PNISR: variants seen among roughly 807,000 people sequenced by gnomAD.
The protein encoded by PNISR is PNN interacting serine and arginine rich protein.
Under a neutral mutation model 93.4 loss-of-function variants are expected in PNISR, and 20 were observed. The observed-to-expected ratio is 0.21, with a 90% CI of 0.15 to 0.31. The LOEUF is 0.31. Ranked by LOEUF, PNISR falls within the 10% of genes least tolerant of loss-of-function variation. PNISR has a pLI of 1.00. For synonymous variants in PNISR, 305 were observed against 306.5 expected (o/e 0.99, Z 0.05); for missense variants, 893 against 985.4 (o/e 0.91, Z 1.25).
In PNISR at chr6:99,400,853, A is replaced by C. The variant is rs768093173; in HGVS notation, c.2105T>G (p.Phe702Cys). The C allele has an allele frequency of 1.2e-6, 2 of 1,603,802 alleles. No individual in the cohort carries two copies. Among genetic ancestry groups the C allele is most frequent in the African/African-American group, 1.3e-5 (1 of 74,118 alleles). The change falls in exon 12 of 12, where the codon TTT becomes TGT. Residue 702 changes from phenylalanine (F) to cysteine (C), a missense_variant. Phe to Cys is a radical substitution (Grantham distance 205). Transcript: ENST00000369239. ...TCTATCATCCTGACTACTGAACTTA[A>C]AATCTTTTTCTTCCCTTTTTTGTTT... Reference protein sequence around the residue: ...KEKQKREEKDFKFSSQDDRLK... With the variant: ...KEKQKREEKDCKFSSQDDRLK...
rs1197450973 is a variant in PNISR, at chr6:99,401,100, T to G, written c.1858A>C (p.Arg620=). 1.2e-6 allele frequency: 2 copies of G among 1,613,760 alleles called. No homozygotes were observed. The highest frequency in any genetic ancestry group is 2.2e-5 in the East Asian group (1 of 44,880). Residue 620 remains arginine, a synonymous_variant, in exon 12 of 12, where the codon AGA becomes CGA. Coordinates refer to ENST00000369239, the MANE Select transcript of PNISR (RefSeq NM_032870.4). ...RSPSRERRRS[R]SRSRDRRTNR... ...GTTCGTCTATCCCTTGAGCGACTTC[T>G]ACTTCTACGTCTCTCTCGGGAAGGA...
In PNISR at chr6:99,410,642, G is replaced by A. The variant is rs983019227; in HGVS notation, c.501+99C>T. On this transcript the variant is annotated intron_variant, in intron 5 of 11. Transcript: ENST00000369239. ...AGAATGTGCTTATTTATACAAGTCT[G>A]AAAAGTGAAACACGTATCTTAGGTA... The A allele has an allele frequency of 3.2e-5, 25 of 789,364 alleles. No individual in the cohort carries two copies. In the African/African-American group the frequency reaches 3.9e-4, roughly 12 times the overall value. 48.9% of individuals were successfully genotyped at this position (789,364 alleles called of 1,614,324 possible). A position where few individuals can be genotyped will look rare whatever the true frequency, so the allele number is the denominator to read the frequency against.
chr6:99,400,834 A>C lies in PNISR; in HGVS notation c.2124T>G (p.Asp708Glu). Reference protein sequence around the residue: ...EEKDFKFSSQDDRLKRKRESE... With the variant: ...EEKDFKFSSQEDRLKRKRESE... ...TTTCTCGTTTCCTTTTTAATCTATC[A>C]TCCTGACTACTGAACTTAAAATCTT... Residue 708 changes from aspartate to glutamate, a missense_variant, in exon 12 of 12, where the codon GAT becomes GAG. Asp to Glu is a conservative substitution (Grantham distance 45, BLOSUM62 2). This residue lies in a region of PNISR where 866 missense variants were observed against 935.1 expected (regional missense o/e 0.93). Coordinates refer to ENST00000369239, the MANE Select transcript of PNISR (RefSeq NM_032870.4). 6.2e-7 allele frequency: 1 copy of C among 1,610,768 alleles called. No individual in the cohort carries two copies. Among genetic ancestry groups the C allele is most frequent in the Non-Finnish European group, 8.5e-7 (1 of 1,177,734 alleles).
Position 99,402,554 on chromosome 6 carries a change from T to C in PNISR, c.1313A>G (p.Asp438Gly), listed in dbSNP as rs200164005. ...RKEKEQQLLH[D>G]KQMEEEKQQT... ...GTATACTACACCTTCCATCTGTTTA[T>C]CATGTAATAGCTGCTGTTCTTTTTC... Residue 438 changes from aspartate (D) to glycine (G), a missense_variant, in exon 11 of 12, where the codon GAT becomes GGT. Physicochemically the swap from Asp to Gly is moderately conservative, Grantham distance 94 (BLOSUM62 -1). Transcript: ENST00000369239. 48 of 1,612,166 alleles carry C rather than the reference T, an allele frequency of 3.0e-5. No homozygotes were observed. Among genetic ancestry groups the C allele is most frequent in the Non-Finnish European group, 3.7e-5 (44 of 1,178,810 alleles).
At chr6:99,416,624 TA>T (rs1366843710) in intron 1 of PNISR, among the ~76,000 whole-genome samples, 196 bp from the exon 2 acceptor site, 3 of 152,316 alleles carry the variant, frequency 2.0e-5, no homozygotes, top group Non-Finnish European at 2.9e-5. Flanking sequence ...CAAAGCTTTT[TA>T]ACATCTTTTT....
chr6:99,415,387 T>C lies in PNISR; in HGVS notation c.-31-697A>G, dbSNP rs532828304. On this transcript the variant is annotated intron_variant, in intron 2 of 11. Coordinates refer to ENST00000369239, the MANE Select transcript of PNISR (RefSeq NM_032870.4). ...GATAAACGGTATTAAATCCAGAAAG[T>C]AAGACAGCCTCCAAGACCTGGTTTC... 3 of 152,202 alleles carry C rather than the reference T, an allele frequency of 2.0e-5. No homozygotes were observed. In the South Asian group the frequency reaches 6.2e-4, roughly 32 times the overall value. 9.4% of individuals were successfully genotyped at this position (152,202 alleles called of 1,614,324 possible).
Position 99,400,565 on chromosome 6 carries a change from T to A in PNISR, c.2393A>T (p.His798Leu). 1 of 1,613,956 alleles carries A rather than the reference T, an allele frequency of 6.2e-7. No homozygotes were observed. The highest frequency in any genetic ancestry group is 8.5e-7 in the Non-Finnish European group (1 of 1,179,954). Residue 798 changes from histidine to leucine, a missense_variant, in exon 12 of 12, where the codon CAC (histidine) becomes CTC (leucine). Coordinates refer to ENST00000369239, the MANE Select transcript of PNISR (RefSeq NM_032870.4). Reference protein sequence around the residue: ...QRSGKKASRKHKSKSRSR With the variant: ...QRSGKKASRKLKSKSRSR ...CTACCTTGATCGGGACTTAGACTTG[T>A]GTTTGCGGCTTGCCTTCTTACCAGA...
At chr6:99,409,427 G>A in intron 5 of PNISR, 83 bp from the exon 6 acceptor site, 1 of 1,241,974 alleles carries the variant, frequency 8.1e-7, no homozygotes, top group East Asian at 2.4e-5. Flanking sequence ...AACTGGGACA[G>A]TAGAAATCCA....
intron 8 of PNISR, 82 bp downstream of exon 8, chr6:99,405,949 T>C: frequency 2.3e-6 from 2 of 886,128 alleles, no homozygotes; most frequent in Non-Finnish European, 1.7e-6. Flanking sequence ...TTCTAGTTTC[T>C]GTTTTTTCCT....
chr6:99,403,028 C>T (rs930991084), intron 10 of PNISR: 8 of 188,496 alleles, frequency 4.2e-5, no homozygotes, highest in Non-Finnish European at 8.6e-5. Flanking sequence ...CACGCTAAAG[C>T]TTAATGATGA....
rs1481468469 is a variant in PNISR, at chr6:99,409,318, T to G, written c.528A>C (p.Gln176His). 1 of 1,613,824 alleles carries G rather than the reference T, an allele frequency of 6.2e-7. No homozygotes were observed. The highest frequency in any genetic ancestry group is 1.3e-5 in the African/African-American group (1 of 75,054). ...GCCAATAAGGAGGATGAAATCCACCTTGCGGTGGACCAAAAGCAGCCCCAT... is the reference window on the plus strand; with the variant it reads ...GCCAATAAGGAGGATGAAATCCACCGTGCGGTGGACCAAAAGCAGCCCCAT... ...YQHGAAFGPP[Q>H]GGFHPPYWQP... Residue 176 changes from glutamine to histidine, a missense_variant, in exon 6 of 12, where the codon CAA becomes CAC. Gln to His is a conservative substitution (Grantham distance 24). Transcript: ENST00000369239.
intron 1 of PNISR, among the ~76,000 whole-genome samples, chr6:99,423,250 T>C (rs1485875601): frequency 6.6e-6 from 1 of 151,864 alleles, no homozygotes; most frequent in Non-Finnish European, 1.5e-5. Context: ...AATAAAGAAG[T>C]ACTGGATTAT....
chr6:99,412,544 A>G lies in PNISR; in HGVS notation c.277+7T>C, dbSNP rs779027206. ...GTCTTAAAATTGTGAAAACATAAAC[A>G]ACAAACCTGGTTGCCACATTCTGTT... On this transcript the variant is annotated splice_region_variant and intron_variant, in intron 4 of 11. Transcript: ENST00000369239. 46 of 1,568,704 alleles carry G rather than the reference A, an allele frequency of 2.9e-5. No individual in the cohort carries two copies. The highest frequency in any genetic ancestry group is 3.7e-5 in the Non-Finnish European group (43 of 1,157,906).
intron 5 of PNISR, chr6:99,410,165 T>C (rs931148497): frequency 1.3e-5 from 2 of 152,418 alleles, no homozygotes; most frequent in African/African-American, 4.8e-5. Context: ...GGGTAGACCC[T>C]GGCAGAGGGA....
intron 7 of PNISR, 127 bp from the exon 8 acceptor site, chr6:99,406,295 TC>T (rs1218792027): frequency 6.4e-6 from 3 of 470,338 alleles, no homozygotes; most frequent in African/African-American, 6.0e-5. Flanking sequence ...GAAACTGCTA[TC>T]TAAATTACAT....
At chr6:99,417,968 CA>C (rs34504221) in intron 1 of PNISR, among the ~76,000 whole-genome samples, 3,011 of 92,124 alleles carry the variant, frequency 0.033, 104 homozygotes, top group African/African-American at 0.11. Flanking sequence ...AACACCATCT[CA>C]AAAAAAAAAA....
At chr6:99,405,136 G>GT (rs1445870009) in intron 8 of PNISR, among the ~76,000 whole-genome samples, 7 of 151,430 alleles carry the variant, frequency 4.6e-5, no homozygotes. Flanking sequence ...AAGGAATAAA[G>GT]TATCTTGAAC....
intron 1 of PNISR, among the ~76,000 whole-genome samples, chr6:99,422,873 T>C (rs1455425347): frequency 9.0e-5 from 2 of 22,102 alleles, no homozygotes; most frequent in African/African-American, 1.3e-4. Flanking sequence ...TGACACTCTG[T>C]CTCAAAAAAA....
chr6:99,421,410 T>C (rs139025959), intron 1 of PNISR, among the ~76,000 whole-genome samples: 1 of 152,206 alleles, frequency 6.6e-6, no homozygotes, highest in African/African-American at 2.4e-5. Context: ...TACTTGTGAG[T>C]ATGTCCTTAT....
Sources: allele counts gnomAD v4.1 joint callset (sites outside exome capture counted in the v4.1 genomes callset), GRCh38; gene constraint gnomAD v4.1.1; regional missense constraint gnomAD v4.1.1; transcripts MANE v1.5; gene names NCBI Gene and HGNC (gene_info 2026-07-23, HGNC 2026-07-21).